NRG3: variants seen among roughly 807,000 people sequenced by gnomAD.
NRG3 encodes the protein pro-neuregulin-3, membrane-bound isoform.
In NRG3, 31 loss-of-function variants were observed where a neutral mutation model predicts 66.9. That is an observed-to-expected ratio of 0.46 (90% CI 0.35 to 0.63). The LOEUF (loss-of-function observed/expected upper bound fraction) is 0.63. NRG3 is among the 20% of genes least tolerant of loss of function. The pLI is 0.00. For missense variants in NRG3, 910 were observed against 878.9 expected, an observed-to-expected ratio of 1.04 and a Z score of -0.45; for synonymous variants, 393 against 359.4, an observed-to-expected ratio of 1.09 and a Z score of -1.06.
At chr10:82,902,243 G>T (rs1325992671) in intron 4 of NRG3, among the ~76,000 whole-genome samples, 1 of 152,174 alleles carries the variant, frequency 6.6e-6, no homozygotes, top group Non-Finnish European at 1.5e-5. Flanking sequence ...AAAGGAAAGG[G>T]TCAGTGCTCC....
intron 2 of NRG3, among the ~76,000 whole-genome samples, chr10:82,684,830 C>A (rs1326585829): frequency 3.3e-5 from 5 of 151,688 alleles, no homozygotes; most frequent in African/African-American, 4.8e-5. Context: ...AGCAAAGGTC[C>A]AAAAAATTGT....
intron 1 of NRG3, among the ~76,000 whole-genome samples, chr10:82,347,305 T>C (rs973426572): frequency 6.6e-6 from 1 of 151,510 alleles, no homozygotes; most frequent in African/African-American, 2.4e-5. Context: ...TCTTTATTTC[T>C]GCCTTCATTT....
intron 2 of NRG3, among the ~76,000 whole-genome samples, chr10:82,362,027 G>A (rs1055268520): frequency 9.4e-5 from 9 of 95,634 alleles, no homozygotes; most frequent in Non-Finnish European, 1.4e-4. Context: ...CTCAAGGAAC[G>A]ATAAGAACAC....
In NRG3 at chr10:81,920,355, A is replaced by G. The variant is rs186858358; in HGVS notation, c.823+44192A>G. On this transcript the variant is annotated intron_variant, in intron 1 of 8. Coordinates refer to ENST00000372141, the MANE Select transcript of NRG3 (RefSeq NM_001010848.4). The stretch of plus-strand genomic sequence containing the variant: ...CTCTATTTGATTGGAGTTTTGAAGA[A>G]TCTGTGGCATCGATTCCTGGTGCTT... Among the ~76,000 whole-genome samples, 489 of 152,222 alleles carry G rather than the reference A, an allele frequency of 3.2e-3. 3 individuals are homozygous for G. The highest frequency in any genetic ancestry group is 0.011 in the African/African-American group (452 of 41,546).
intron 2 of NRG3, among the ~76,000 whole-genome samples, chr10:82,735,794 T>C (rs369838186): frequency 2.6e-5 from 4 of 152,106 alleles, no homozygotes; most frequent in African/African-American, 9.7e-5. Flanking sequence ...TTAGTACAAA[T>C]ACCTAATGCA....
At chr10:82,902,036 G>A (rs932130033) in intron 4 of NRG3, among the ~76,000 whole-genome samples, 2 of 152,046 alleles carry the variant, frequency 1.3e-5, no homozygotes, top group Admixed American at 6.5e-5. Context: ...TAGCTAGATG[G>A]ATATAACCAA....
At chr10:82,114,153 T>G (rs1481249555) in intron 1 of NRG3, among the ~76,000 whole-genome samples, 2 of 152,158 alleles carry the variant, frequency 1.3e-5, no homozygotes, top group Admixed American at 6.6e-5. Context: ...ATCATCACTT[T>G]GTTCCTTTTT....
chr10:82,158,758 GA>G (rs1354641498), intron 1 of NRG3, among the ~76,000 whole-genome samples: 1 of 151,788 alleles, frequency 6.6e-6, no homozygotes, highest in Non-Finnish European at 1.5e-5. Context: ...GAAATCCTGA[GA>G]GAAGTGGCAT....
At chr10:82,619,746 A>C (rs1413657773) in intron 2 of NRG3, among the ~76,000 whole-genome samples, 1 of 152,156 alleles carries the variant, frequency 6.6e-6, no homozygotes, top group Admixed American at 6.5e-5. Context: ...TCCTTTAAGA[A>C]GTGGAGATGA....
intron 1 of NRG3, among the ~76,000 whole-genome samples, chr10:82,008,561 G>C (rs1410106665): frequency 6.6e-6 from 1 of 152,118 alleles, no homozygotes; most frequent in Non-Finnish European, 1.5e-5. Context: ...TTAACCAAGG[G>C]GAGGGCAATG....
chr10:82,058,223 T>G (rs1249628461), intron 1 of NRG3, among the ~76,000 whole-genome samples: 2 of 152,004 alleles, frequency 1.3e-5, no homozygotes, highest in African/African-American at 4.8e-5. Flanking sequence ...TTCTAGGCCA[T>G]ACATAGCAAG....
intron 6 of NRG3, among the ~76,000 whole-genome samples, chr10:82,962,694 C>T (rs1237653154): frequency 6.6e-6 from 1 of 151,934 alleles, no homozygotes; most frequent in Non-Finnish European, 1.5e-5. Context: ...CAGAAATTAG[C>T]CAGGCGTGGT....
chr10:82,332,941 T>A (rs1034234736), intron 1 of NRG3, among the ~76,000 whole-genome samples: 14 of 152,112 alleles, frequency 9.2e-5, no homozygotes, highest in African/African-American at 3.4e-4. Flanking sequence ...ATCCTCACCC[T>A]AACAAAAAAA....
intron 4 of NRG3, among the ~76,000 whole-genome samples, chr10:82,895,214 T>C (rs1843536293): frequency 6.6e-6 from 1 of 152,186 alleles, no homozygotes; most frequent in African/African-American, 2.4e-5. Flanking sequence ...AATATGTAGA[T>C]GCTATTCCCA....
At chr10:82,953,333 GAT>G (rs1190632659) in intron 5 of NRG3, among the ~76,000 whole-genome samples, 1 of 152,042 alleles carries the variant, frequency 6.6e-6, no homozygotes, top group Non-Finnish European at 1.5e-5. Flanking sequence ...GAAAATGACA[GAT>G]AGGTTCTTTA....
At chr10:82,604,699 A>G (rs1254187047) in intron 2 of NRG3, among the ~76,000 whole-genome samples, 1 of 152,186 alleles carries the variant, frequency 6.6e-6, no homozygotes, top group Non-Finnish European at 1.5e-5. Context: ...CCACAAAACT[A>G]TAGTCAACTG....
intron 2 of NRG3, among the ~76,000 whole-genome samples, chr10:82,467,862 A>T (rs1840837882): frequency 6.6e-6 from 1 of 152,136 alleles, no homozygotes; most frequent in South Asian, 2.1e-4. Context: ...ACTTGATTTT[A>T]AGGAAACGAG....
At chr10:82,906,301 C>T (rs187037270) in intron 4 of NRG3, among the ~76,000 whole-genome samples, 30 of 152,256 alleles carry the variant, frequency 2.0e-4, no homozygotes, top group African/African-American at 4.8e-4. Context: ...CTTCACACGT[C>T]GTATCATAAT....
intron 1 of NRG3, among the ~76,000 whole-genome samples, chr10:82,000,179 A>G (rs1322705531): frequency 6.6e-6 from 1 of 152,250 alleles, no homozygotes; most frequent in Non-Finnish European, 1.5e-5. Flanking sequence ...CTAAACTTTA[A>G]AGAACACACA....
Sources: allele counts gnomAD v4.1 joint callset (sites outside exome capture counted in the v4.1 genomes callset), GRCh38; gene constraint gnomAD v4.1.1; transcripts MANE v1.5; gene names NCBI Gene and HGNC (gene_info 2026-07-23, HGNC 2026-07-21).